Variants in ADGRL4 observed in about 807,000 individuals in gnomAD.
ADGRL4 encodes EGF, latrophilin and seven transmembrane domain containing 1.
Under a neutral mutation model 74.8 loss-of-function variants are expected in ADGRL4, and 90 were observed. That is an observed-to-expected ratio of 1.20 (90% CI 1.02 to 1.43). ADGRL4 has a LOEUF of 1.43. ADGRL4 is among the 40% of genes most tolerant of loss of function. The pLI is 0.00. For synonymous variants in ADGRL4, 311 were observed against 279.2 expected (o/e 1.11, Z -1.14); for missense variants, 881 against 814.3 (o/e 1.08, Z -1.00).
At chr1:78,962,040 C>G (rs1649963938) in intron 2 of ADGRL4, among the ~76,000 whole-genome samples, 2 of 152,250 alleles carry the variant, frequency 1.3e-5, no homozygotes, top group East Asian at 1.9e-4. Flanking sequence ...GCCATCACAC[C>G]TGGCTAATTT....
Position 78,941,616 on chromosome 1 carries a change from T to C in ADGRL4, c.326-2358A>G, listed in dbSNP as rs1405670402. 2.6e-5 allele frequency among the ~76,000 whole-genome samples: 4 copies of C among 152,076 alleles called. No homozygotes were observed. The East Asian group carries it at 7.7e-4, about 29-fold the overall frequency. ...GAAACTTTATTCCAAACCCAATCTC[T>C]GAGAAACACAAAAATCTTGGCTCCA... On this transcript the variant is annotated intron_variant, in intron 3 of 14. Transcript: ENST00000370742.
At chr1:78,961,868 T>C (rs1406230315) in intron 2 of ADGRL4, among the ~76,000 whole-genome samples, 2 of 152,020 alleles carry the variant, frequency 1.3e-5, no homozygotes, top group Non-Finnish European at 1.5e-5. Flanking sequence ...ATGGGCAGGA[T>C]TCCAGGCTAT....
At chr1:78,942,249 G>T (rs1649502180) in intron 3 of ADGRL4, among the ~76,000 whole-genome samples, 1 of 147,614 alleles carries the variant, frequency 6.8e-6, no homozygotes, top group Non-Finnish European at 1.5e-5. Context: ...ATAAGAAAAT[G>T]TATGGGAAGG....
intron 2 of ADGRL4, among the ~76,000 whole-genome samples, chr1:78,980,230 C>T (rs1650371247): frequency 6.6e-6 from 1 of 151,724 alleles, no homozygotes; most frequent in Non-Finnish European, 1.5e-5. Context: ...TTCCCTATTC[C>T]ATGTGCTACG....
At chr1:78,991,447 G>A (rs151113073) in intron 2 of ADGRL4, among the ~76,000 whole-genome samples, 72 of 151,874 alleles carry the variant, frequency 4.7e-4, no homozygotes, top group African/African-American at 1.5e-3. Flanking sequence ...AGTTAATATC[G>A]GTTAAATAAA....
Position 78,920,239 on chromosome 1 carries a change from T to C in ADGRL4, c.1405A>G (p.Ser469Gly). ...RTTIHKNLCC[S>G]LFLAELVFLV... The stretch of plus-strand genomic sequence containing the variant: ...AAAACAAGTTCAGCAAGAAATAGGC[T>C]ACAGCAAAGATTTTTGTGAATTGTT... The change falls in exon 10 of 15, where the codon AGC becomes GGC. Residue 469 changes from serine to glycine, a missense_variant. By Grantham distance (56) the Ser-to-Gly change is moderately conservative (BLOSUM62 0). Transcript: ENST00000370742. The C allele has an allele frequency of 1.9e-6, 3 of 1,612,072 alleles. No individual in the cohort carries two copies. Among genetic ancestry groups the C allele is most frequent in the African/African-American group, 1.3e-5 (1 of 74,914 alleles).
intron 12 of ADGRL4, among the ~76,000 whole-genome samples, chr1:78,908,987 A>T (rs976329541): frequency 2.6e-5 from 4 of 151,860 alleles, no homozygotes; most frequent in Admixed American, 6.6e-5. Context: ...CTTATTTTGA[A>T]TTCCAGCTAT....
chr1:78,932,881 T>A (rs781078432), intron 7 of ADGRL4, among the ~76,000 whole-genome samples: 5 of 151,220 alleles, frequency 3.3e-5, no homozygotes, highest in Non-Finnish European at 5.9e-5. Context: ...CAAGAAAAAG[T>A]CGAATCCCTG....
At chr1:78,908,191 G>A (rs951747274) in intron 12 of ADGRL4, among the ~76,000 whole-genome samples, 1 of 151,950 alleles carries the variant, frequency 6.6e-6, no homozygotes, top group Non-Finnish European at 1.5e-5. Flanking sequence ...TTCAAAGAAA[G>A]GCTCCCTCTT....
chr1:78,994,419 G>A (rs970212155), intron 2 of ADGRL4, among the ~76,000 whole-genome samples: 7 of 151,994 alleles, frequency 4.6e-5, no homozygotes, highest in Non-Finnish European at 1.0e-4. Context: ...CAATAAAATG[G>A]GGCATCAACA....
At chr1:79,002,825 C>T (rs1479498921) in intron 2 of ADGRL4, among the ~76,000 whole-genome samples, 2 of 151,978 alleles carry the variant, frequency 1.3e-5, no homozygotes, top group African/African-American at 2.4e-5. Context: ...TAATAAACAT[C>T]TGTTGAAATT....
intron 2 of ADGRL4, among the ~76,000 whole-genome samples, chr1:78,993,158 C>G (rs1377500376): frequency 6.6e-6 from 1 of 151,814 alleles, no homozygotes; most frequent in Non-Finnish European, 1.5e-5. Context: ...TATTTATAAT[C>G]TTTATATATT....
intron 12 of ADGRL4, among the ~76,000 whole-genome samples, chr1:78,899,442 C>A (rs1031775549): frequency 1.3e-5 from 2 of 152,138 alleles, no homozygotes; most frequent in African/African-American, 4.8e-5. Context: ...GCAACCTCAA[C>A]CTCCTGGACT....
At position 78,999,265 on chromosome 1, in the gene ADGRL4, AC is replaced by A. The variant is rs767087249; in HGVS notation, c.172+5804del. On this transcript the variant is annotated intron_variant, in intron 2 of 14. Transcript: ENST00000370742. ...TGACAAAAGAGTAGAACTATAATAA[AC>A]AAAGCGCAAAATTTGGACTCAGTGA... Among the ~76,000 whole-genome samples, 95 of 152,180 alleles carry A rather than the reference AC, an allele frequency of 6.2e-4. 1 individual carries two copies. Among genetic ancestry groups the A allele is most frequent in the Non-Finnish European group, 1.2e-3 (79 of 68,028 alleles).
At chr1:79,000,917 T>C (rs1212937540) in intron 2 of ADGRL4, among the ~76,000 whole-genome samples, 1 of 152,142 alleles carries the variant, frequency 6.6e-6, no homozygotes, top group Admixed American at 6.5e-5. Flanking sequence ...GCTGTAGTAT[T>C]CATTTAAGAA....
chr1:78,909,133 T>A (rs375097728), intron 12 of ADGRL4, among the ~76,000 whole-genome samples: 42 of 152,084 alleles, frequency 2.8e-4, no homozygotes, highest in African/African-American at 9.1e-4. Context: ...GACTGAAAGA[T>A]GCACCCAACA....
At chr1:78,974,348 C>T (rs900779934) in intron 2 of ADGRL4, among the ~76,000 whole-genome samples, 2 of 151,958 alleles carry the variant, frequency 1.3e-5, no homozygotes, top group Non-Finnish European at 2.9e-5. Context: ...TATTGACAAA[C>T]GAATTGTCTC....
chr1:78,941,271 G>T (rs1483629709), intron 3 of ADGRL4, among the ~76,000 whole-genome samples: 1 of 152,132 alleles, frequency 6.6e-6, no homozygotes, highest in Non-Finnish European at 1.5e-5. Flanking sequence ...TGCAGACTAG[G>T]GTTATCACTT....
chr1:78,921,773 T>A lies in ADGRL4; in HGVS notation c.1097A>T (p.Tyr366Phe). Reference sequence around the variant, plus strand: ...ATTCCAAAATGCACATAGACTCCTATACCTATCTGTGACCTGAAAAAAAGA... The same window carrying A: ...ATTCCAAAATGCACATAGACTCCTAAACCTATCTGTGACCTGAAAAAAAGA... ...TLSHRKVTDRYRSLCAFWNYS... is the reference protein window; with the variant it reads ...TLSHRKVTDRFRSLCAFWNYS... The change falls in exon 9 of 15, where the codon TAT becomes TTT. Residue 366 changes from tyrosine (Y) to phenylalanine (F), a missense_variant. Transcript: ENST00000370742. 1 of 1,509,390 alleles carries A rather than the reference T, an allele frequency of 6.6e-7. No individual in the cohort carries two copies. The highest frequency in any genetic ancestry group is 2.5e-5 in the East Asian group (1 of 40,038). The allele number at this position is 1,509,390 out of a possible 1,614,324, so 93.5% of individuals were successfully genotyped here.
Sources: allele counts gnomAD v4.1 joint callset (sites outside exome capture counted in the v4.1 genomes callset), GRCh38; gene constraint gnomAD v4.1.1; transcripts MANE v1.5; gene names NCBI Gene and HGNC (gene_info 2026-07-23, HGNC 2026-07-21).